The following DTNA variants were observed in gnomAD, a reference collection of about 807,000 sequenced individuals.
DTNA encodes dystrophin-related protein 3.
Under a neutral mutation model 100.7 loss-of-function variants are expected in DTNA, and 43 were observed. The observed-to-expected ratio is 0.43, with a 90% CI of 0.33 to 0.55. DTNA has a LOEUF of 0.55. Among genes scored for constraint, DTNA ranks in the 20% least tolerant of loss-of-function variants. The pLI, the probability that DTNA is intolerant of heterozygous loss-of-function variation, is 0.04. For synonymous variants in DTNA, 349 were observed against 347.9 expected (o/e 1.00, Z -0.04); for missense variants, 798 against 953.9 (o/e 0.84, Z 2.15).
intron 22 of DTNA, among the ~76,000 whole-genome samples, chr18:34,885,282 T>C (rs1446772752): frequency 6.6e-6 from 1 of 152,176 alleles, no homozygotes; most frequent in Non-Finnish European, 1.5e-5. Context: ...AGAGGAAAAA[T>C]TCTGCAGCCT....
chr18:34,684,638 C>T (rs9950794), intron 1 of DTNA, among the ~76,000 whole-genome samples: 38,194 of 151,960 alleles, frequency 0.25, 6,300 homozygotes, highest in African/African-American at 0.47. Context: ...AGTAGAATGA[C>T]TTATAATCCT....
chr18:34,649,203 C>T (rs759751192), intron 1 of DTNA, among the ~76,000 whole-genome samples: 2 of 152,162 alleles, frequency 1.3e-5, no homozygotes, highest in African/African-American at 2.4e-5. Context: ...CTGTATTTAT[C>T]ATCTTGAAAT....
intron 6 of DTNA, 34 bp from the exon 7 acceptor site, chr18:34,815,875 C>T: frequency 6.4e-7 from 1 of 1,562,274 alleles, no homozygotes. Context: ...AGATGATTCT[C>T]TGTCCTAAAT....
At chr18:34,679,263 C>A (rs1402273312) in intron 1 of DTNA, among the ~76,000 whole-genome samples, 1 of 152,108 alleles carries the variant, frequency 6.6e-6, no homozygotes, top group African/African-American at 2.4e-5. Flanking sequence ...TGTGAAATGA[C>A]TTCTACCATA....
intron 1 of DTNA, among the ~76,000 whole-genome samples, chr18:34,755,001 G>A (rs1002464595): frequency 1.3e-5 from 2 of 152,210 alleles, no homozygotes; most frequent in African/African-American, 2.4e-5. Context: ...AGGGGCCATA[G>A]CCATAGGCAA....
Position 34,820,008 on chromosome 18 carries a change from G to A in DTNA, c.877-783G>A, listed in dbSNP as rs1467831676. ...CCATTACTTTCAAATGGCAAAAACCGCAATTGCTTTTGCACCAACCTAATG... is the reference window on the plus strand; with the variant it reads ...CCATTACTTTCAAATGGCAAAAACCACAATTGCTTTTGCACCAACCTAATG... On this transcript the variant is annotated intron_variant, in intron 8 of 22. Coordinates refer to ENST00000444659, the MANE Select transcript of DTNA (RefSeq NM_001386795.1). Among the ~76,000 whole-genome samples the A allele has an allele frequency of 6.2e-5, 9 of 144,904 alleles. No homozygotes were observed. The East Asian group carries it at 6.9e-4, about 11-fold the overall frequency.
intron 1 of DTNA, among the ~76,000 whole-genome samples, chr18:34,672,426 C>G (rs894853062): frequency 1.3e-5 from 2 of 152,122 alleles, no homozygotes; most frequent in Non-Finnish European, 2.9e-5. Context: ...AAAGTGACTC[C>G]TATTTTTCTG....
chr18:34,768,065 AC>A (rs1386016286), intron 3 of DTNA, among the ~76,000 whole-genome samples: 10 of 152,236 alleles, frequency 6.6e-5, no homozygotes, highest in African/African-American at 2.4e-4. Flanking sequence ...CAAACACATC[AC>A]CCAGATTACA....
intron 1 of DTNA, among the ~76,000 whole-genome samples, chr18:34,557,239 C>T (rs1453809367): frequency 1.4e-5 from 2 of 143,296 alleles, no homozygotes; most frequent in Non-Finnish European, 3.1e-5. Context: ...AAGCACTTCT[C>T]TGTATTGGTT....
chr18:34,545,509 T>C (rs2044686043), intron 1 of DTNA, among the ~76,000 whole-genome samples: 1 of 152,116 alleles, frequency 6.6e-6, no homozygotes, highest in Non-Finnish European at 1.5e-5. Context: ...GAAGTATAAG[T>C]TGATTTTTAA....
At chr18:34,812,197 T>G in intron 6 of DTNA, 84 bp downstream of exon 6, 1 of 1,579,926 alleles carries the variant, frequency 6.3e-7, no homozygotes, top group Non-Finnish European at 8.7e-7. Flanking sequence ...TCACAGATAC[T>G]CAGACAAATT....
At chr18:34,813,212 A>T (rs2095520267) in intron 6 of DTNA, among the ~76,000 whole-genome samples, 1 of 152,104 alleles carries the variant, frequency 6.6e-6, no homozygotes, top group South Asian at 2.1e-4. Context: ...GTGGTGGCTC[A>T]CTCCTATAAT....
chr18:34,725,825 A>G (rs112553695), intron 1 of DTNA, among the ~76,000 whole-genome samples: 10 of 152,246 alleles, frequency 6.6e-5, no homozygotes, highest in African/African-American at 2.4e-4. Context: ...ACTGTTCACA[A>G]TAGCAAAGTC....
chr18:34,715,607 A>T (rs1394786116), intron 1 of DTNA, among the ~76,000 whole-genome samples: 1 of 152,136 alleles, frequency 6.6e-6, no homozygotes, highest in East Asian at 1.9e-4. Flanking sequence ...AAAATACTGG[A>T]TGGATTGGCA....
At chr18:34,753,357 A>ATTTTTT (rs869151386) in intron 1 of DTNA, among the ~76,000 whole-genome samples, 3 of 2,018 alleles carry the variant, frequency 1.5e-3, no homozygotes, top group African/African-American at 3.0e-3. Flanking sequence ...TTATTTATTT[A>ATTTTTT]TTTATTTTAT....
intron 3 of DTNA, among the ~76,000 whole-genome samples, chr18:34,768,756 ATG>A (rs1298853397): frequency 2.6e-5 from 4 of 152,192 alleles, no homozygotes; most frequent in African/African-American, 9.6e-5. Context: ...AGCTCCTGCT[ATG>A]TGTTTGACAT....
rs149997641 is a variant in DTNA at position 34,699,567 on chromosome 18, A to C, written c.-1-56409A>C. ...GGTGACCCAGTCAGGTTGACACATA[A>C]AATTCACTGTCACACAACTCAAATA... On this transcript the variant is annotated intron_variant, in intron 1 of 19. Coordinates refer to the DTNA transcript ENST00000283365. Among the ~76,000 whole-genome samples the C allele has an allele frequency of 1.9e-4, 29 of 152,280 alleles. No homozygotes were observed. The East Asian group carries it at 5.0e-3, about 26-fold the overall frequency.
chr18:34,531,996 CT>C (rs1456548642), intron 1 of DTNA, among the ~76,000 whole-genome samples: 2 of 152,094 alleles, frequency 1.3e-5, no homozygotes, highest in African/African-American at 2.4e-5. Flanking sequence ...AATGAAAATG[CT>C]TTTTCAATCA....
chr18:34,575,229 A>T (rs1315989056), intron 1 of DTNA, among the ~76,000 whole-genome samples: 1 of 152,174 alleles, frequency 6.6e-6, no homozygotes, highest in Non-Finnish European at 1.5e-5. Context: ...ATTTTCTGAT[A>T]CACTCTTGCT....
Sources: allele counts gnomAD v4.1 joint callset (sites outside exome capture counted in the v4.1 genomes callset), GRCh38; gene constraint gnomAD v4.1.1; transcripts MANE v1.5; gene names NCBI Gene and HGNC (gene_info 2026-07-23, HGNC 2026-07-21).